Variants in WDR41 observed in about 807,000 individuals in gnomAD.
WDR41 encodes WD repeat domain 41.
WDR41 carries 63 observed loss-of-function variants against 69.3 expected under a neutral mutation model. That is an observed-to-expected ratio of 0.91 (90% confidence interval 0.74 to 1.12). The LOEUF (loss-of-function observed/expected upper bound fraction) is 1.12. Ranked by LOEUF, WDR41 falls within the 50% of genes most tolerant of loss-of-function variation. WDR41 has a pLI of 0.00. For synonymous variants in WDR41, 185 were observed against 192.1 expected, an observed-to-expected ratio of 0.96 and a Z score of 0.31; for missense variants, 543 against 534.5, an observed-to-expected ratio of 1.02 and a Z score of -0.16.
intron 1 of WDR41, among the ~76,000 whole-genome samples, chr5:77,557,432 A>G (rs1010701938): frequency 6.6e-6 from 1 of 152,226 alleles, no homozygotes; most frequent in Non-Finnish European, 1.5e-5. Context: ...AATGGACAGA[A>G]GACTTGAGCA....
In WDR41 at chr5:77,454,029, C is replaced by T; in HGVS notation, c.412-101G>A. The stretch of plus-strand genomic sequence containing the variant: ...ACAAGTTCTTTAACCCCTTCCTTCA[C>T]TAGGTGGAGCTTATTTCTCCTTAGT... On this transcript the variant is annotated intron_variant, in intron 5 of 12. Transcript: ENST00000296679. 5 of 824,246 alleles carry T rather than the reference C, an allele frequency of 6.1e-6. No individual in the cohort carries two copies. The South Asian group carries it at 7.8e-5, about 13-fold the overall frequency. The allele number at this position is 824,246 out of a possible 1,614,324, so 51.1% of individuals were successfully genotyped here. A position where few individuals can be genotyped will look rare whatever the true frequency, so the allele number is the denominator to read the frequency against.
intron 1 of WDR41, among the ~76,000 whole-genome samples, chr5:77,566,392 A>C (rs1743629537): frequency 6.6e-6 from 1 of 152,206 alleles, no homozygotes; most frequent in East Asian, 1.9e-4. Flanking sequence ...ATACTACATA[A>C]CCTTTTAGAT....
intron 12 of WDR41, among the ~76,000 whole-genome samples, chr5:77,434,265 T>A (rs1054678653): frequency 6.6e-6 from 1 of 151,942 alleles, no homozygotes; most frequent in Non-Finnish European, 1.5e-5. Flanking sequence ...GAGTGGAGAT[T>A]GCGCCATTGT....
intron 2 of WDR41, among the ~76,000 whole-genome samples, chr5:77,482,242 A>C (rs1801304480): frequency 1.3e-5 from 2 of 152,178 alleles, no homozygotes; most frequent in Admixed American, 1.3e-4. Flanking sequence ...TCATTTTGTC[A>C]GTATTTCAGA....
In WDR41 at chr5:77,459,098, T is replaced by C; in HGVS notation, c.375A>G (p.Gln125=). 6.2e-7 allele frequency: 1 copy of C among 1,602,702 alleles called. No individual in the cohort carries two copies. Among genetic ancestry groups the C allele is most frequent in the Non-Finnish European group, 8.5e-7 (1 of 1,172,826 alleles). Residue 125 remains glutamine (Q), a synonymous_variant, in exon 5 of 13, where the codon CAA becomes CAG. Coordinates refer to ENST00000296679, the MANE Select transcript of WDR41 (RefSeq NM_018268.4). The stretch of plus-strand genomic sequence containing the variant: ...ACTGGAAGCATGATATTCTCTGAAC[T>C]TGTCTGGTAGTATCACCATCCCACA... ...VIVWDGDTTR[Q]VQRISCFQST...
At chr5:77,584,277 C>T (rs1327894271) in intron 1 of WDR41, among the ~76,000 whole-genome samples, 1 of 151,952 alleles carries the variant, frequency 6.6e-6, no homozygotes, top group African/African-American at 2.4e-5. Flanking sequence ...GACATATAGA[C>T]TAGAAAGGAA....
chr5:77,454,656 C>T (rs1799758098), intron 5 of WDR41, among the ~76,000 whole-genome samples: 1 of 152,152 alleles, frequency 6.6e-6, no homozygotes, highest in Non-Finnish European at 1.5e-5. Context: ...ACTCTCCTCG[C>T]CCACTGACTC....
At chr5:77,485,925 A>C (rs1336583804) in intron 2 of WDR41, among the ~76,000 whole-genome samples, 1 of 152,182 alleles carries the variant, frequency 6.6e-6, no homozygotes, top group Non-Finnish European at 1.5e-5. Flanking sequence ...TGAAGCGTGA[A>C]ACCTGGATTA....
intron 2 of WDR41, among the ~76,000 whole-genome samples, chr5:77,476,726 A>G (rs1227701990): frequency 1.3e-5 from 2 of 151,488 alleles, no homozygotes; most frequent in African/African-American, 4.9e-5. Flanking sequence ...ATCATGCCAA[A>G]ATGTAAAGAC....
chr5:77,594,279 G>GTT, intron 1 of WDR41, among the ~76,000 whole-genome samples: 1 of 119,572 alleles, frequency 8.4e-6, no homozygotes. Context: ...GTGGGGGGAG[G>GTT]GGGGAGGGAT....
At chr5:77,539,509 C>G (rs1445833187) in intron 1 of WDR41, among the ~76,000 whole-genome samples, 6 of 151,990 alleles carry the variant, frequency 3.9e-5, no homozygotes, top group Non-Finnish European at 5.9e-5. Context: ...TCCTGCTGGT[C>G]TAGGGGGTGT....
At chr5:77,516,443 A>G (rs954140167) in intron 1 of WDR41, among the ~76,000 whole-genome samples, 2 of 152,182 alleles carry the variant, frequency 1.3e-5, no homozygotes, top group African/African-American at 4.8e-5. Context: ...TTCCCATAGC[A>G]ATTATATCCG....
At chr5:77,477,111 C>G (rs1273780968) in intron 2 of WDR41, among the ~76,000 whole-genome samples, 1 of 148,052 alleles carries the variant, frequency 6.8e-6, no homozygotes, top group Non-Finnish European at 1.5e-5. Flanking sequence ...ATCAATTCAA[C>G]AAGAAGAGCT....
chr5:77,610,403 G>C (rs1432217047), intron 1 of WDR41, among the ~76,000 whole-genome samples: 1 of 152,212 alleles, frequency 6.6e-6, no homozygotes, highest in Non-Finnish European at 1.5e-5. Flanking sequence ...GGCAGCCAGA[G>C]AGAAAGGTCG....
At chr5:77,458,204 T>C (rs1581715958) in intron 5 of WDR41, among the ~76,000 whole-genome samples, 1 of 152,112 alleles carries the variant, frequency 6.6e-6, no homozygotes, top group Admixed American at 6.6e-5. Flanking sequence ...TAGAAGTATA[T>C]ATAGTACATG....
upstream of WDR41, among the ~76,000 whole-genome samples, chr5:77,495,962 G>C (rs1801927091): frequency 6.6e-6 from 1 of 151,956 alleles, no homozygotes; most frequent in African/African-American, 2.4e-5. Context: ...GAGTGGTTCA[G>C]TATAAGAAAA....
At chr5:77,583,370 C>T (rs920630995) in intron 1 of WDR41, among the ~76,000 whole-genome samples, 1 of 151,054 alleles carries the variant, frequency 6.6e-6, no homozygotes, top group African/African-American at 2.4e-5. Context: ...AAAAATTAGC[C>T]AGGTACAGTG....
At chr5:77,535,732 T>C (rs1742961158) in intron 1 of WDR41, among the ~76,000 whole-genome samples, 1 of 152,192 alleles carries the variant, frequency 6.6e-6, no homozygotes, top group Non-Finnish European at 1.5e-5. Flanking sequence ...CCAGTATTAA[T>C]AAACAGCTGC....
chr5:77,438,620 T>C (rs1485426820), intron 9 of WDR41, among the ~76,000 whole-genome samples: 3 of 152,208 alleles, frequency 2.0e-5, no homozygotes, highest in Non-Finnish European at 1.5e-5. Flanking sequence ...CGCCACTTCT[T>C]CCTCACTGAA....
Sources: gnomAD v4.1 joint callset for allele counts (sites outside exome capture counted in the v4.1 genomes callset) on GRCh38, gnomAD v4.1.1 for gene constraint, MANE v1.5 for transcripts, NCBI Gene and HGNC (gene_info 2026-07-23, HGNC 2026-07-21) for gene names.